The following ASB5 variants were observed in gnomAD, a reference collection of about 807,000 sequenced individuals.
The protein encoded by ASB5 is ankyrin repeat and SOCS box containing 5.
ASB5 carries 45 observed loss-of-function variants against 42.1 expected under a neutral mutation model. The observed-to-expected ratio is 1.07, with a 90% CI of 0.84 to 1.37. The LOEUF (loss-of-function observed/expected upper bound fraction) is 1.37. Among genes scored for constraint, ASB5 ranks in the 40% most tolerant of loss-of-function variants. The pLI is 0.00. For synonymous variants in ASB5, 147 were observed against 150.6 expected, an observed-to-expected ratio of 0.98 and a Z score of 0.18; for missense variants, 402 against 399.8, an observed-to-expected ratio of 1.01 and a Z score of -0.05.
rs1186135609 is a variant in ASB5 at position 176,215,675 on chromosome 4, T to C, written c.915A>G (p.Ile305Met). The change falls in exon 7 of 7, where the codon ATA becomes ATG. Residue 305 changes from isoleucine (I) to methionine (M), a missense_variant. Physicochemically the swap from Ile to Met is conservative, Grantham distance 10 (BLOSUM62 1). Transcript: ENST00000296525. ...QLCRLCIRSYIGKPRLHLIPQ... is the reference protein window; with the variant it reads ...QLCRLCIRSYMGKPRLHLIPQ... The stretch of plus-strand genomic sequence containing the variant: ...GGATAAGGTGCAATCTTGGTTTTCC[T>C]ATGTAGCTTCGGATACAGAGTCGGC... 3 of 1,613,260 alleles carry C rather than the reference T, an allele frequency of 1.9e-6. No homozygotes were observed. The highest frequency in any genetic ancestry group is 2.5e-6 in the Non-Finnish European group (3 of 1,179,434).
chr4:176,242,468 T>G (rs1439273465), intron 1 of ASB5, among the ~76,000 whole-genome samples: 1 of 152,204 alleles, frequency 6.6e-6, no homozygotes, highest in Non-Finnish European at 1.5e-5. Flanking sequence ...TCTTCTAAAC[T>G]CAGCTTAGAT....
chr4:176,232,127 ACTT>A (rs1179940384), intron 1 of ASB5, among the ~76,000 whole-genome samples: 2 of 124,970 alleles, frequency 1.6e-5, no homozygotes, highest in Admixed American at 7.5e-5. Flanking sequence ...ATATATATAT[ACTT>A]TTTTTTTTTG....
At position 176,232,400 on chromosome 4, in the gene ASB5, T is replaced by C. The variant is rs150920285; in HGVS notation, c.197-7059A>G. ...CGGCCTCCCAAAGTGCTGGAATAGATGTGAGCCACCGAGCCTGGCCCCTGT... is the reference window on the plus strand; with the variant it reads ...CGGCCTCCCAAAGTGCTGGAATAGACGTGAGCCACCGAGCCTGGCCCCTGT... On this transcript the variant is annotated intron_variant, in intron 1 of 6. Transcript: ENST00000296525. Among the ~76,000 whole-genome samples, 625 of 152,210 alleles carry C rather than the reference T, an allele frequency of 4.1e-3. 13 individuals are homozygous for C. The highest frequency in any genetic ancestry group is 0.039 in the Admixed American group (595 of 15,288).
At chr4:176,220,484 C>T (rs935645001) in intron 5 of ASB5, among the ~76,000 whole-genome samples, 7 of 151,976 alleles carry the variant, frequency 4.6e-5, no homozygotes, top group African/African-American at 9.7e-5. Context: ...AGAGGAACGA[C>T]GCTAAAGAAA....
chr4:176,271,682 G>T (rs1754470780), upstream of ASB5, among the ~76,000 whole-genome samples: 1 of 152,060 alleles, frequency 6.6e-6, no homozygotes, highest in South Asian at 2.1e-4. Context: ...GGGTACGTTG[G>T]ATGCTACATG....
intron 1 of ASB5, among the ~76,000 whole-genome samples, chr4:176,238,512 A>G (rs1753742512): frequency 6.6e-6 from 1 of 152,226 alleles, no homozygotes; most frequent in Non-Finnish European, 1.5e-5. Context: ...TGAAAAAGGC[A>G]CAGAGTCTAT....
rs1752909909 is a variant in ASB5 at position 176,214,344 on chromosome 4, C to A, written c.*1256G>T. 1 of 152,000 alleles carries A rather than the reference C, an allele frequency of 6.6e-6. No homozygotes were observed. Among genetic ancestry groups the A allele is most frequent in the Non-Finnish European group, 1.5e-5 (1 of 67,960 alleles). The allele number at this position is 152,000 out of a possible 1,614,324, so 9.4% of individuals were successfully genotyped here. The stretch of plus-strand genomic sequence containing the variant: ...CTCACCCAAAGTTGCTTTTGTTTTA[C>A]AAAGAGTTGTACGTTGATTATCTTA... On this transcript the variant is annotated 3_prime_UTR_variant, in exon 7 of 7. Transcript: ENST00000296525.
At chr4:176,275,346 G>A (rs1041019186) in intron 2 of ASB5, among the ~76,000 whole-genome samples, 1 of 152,082 alleles carries the variant, frequency 6.6e-6, no homozygotes, top group Admixed American at 6.5e-5. Flanking sequence ...GGAGGACCCT[G>A]TTTAGGATTC....
In ASB5 at chr4:176,221,248, C is replaced by A. The variant is rs1331480430; in HGVS notation, c.577G>T (p.Asp193Tyr). ...AAATGAGGAATTTCTTGGTCAACAT[C>A]TATGCCCCAGGATATCAGGATGTCA... Reference protein sequence around the residue: ...CLDILISWGIDVDQEIPHLGT... With the variant: ...CLDILISWGIYVDQEIPHLGT... The change falls in exon 5 of 7, where the codon GAT becomes TAT. Residue 193 changes from aspartate (D) to tyrosine (Y), a missense_variant. Coordinates refer to ENST00000296525, the MANE Select transcript of ASB5 (RefSeq NM_080874.4). The A allele has an allele frequency of 1.9e-6, 3 of 1,614,020 alleles. No individual in the cohort carries two copies. Among genetic ancestry groups the A allele is most frequent in the Admixed American group, 1.7e-5 (1 of 59,994 alleles).
rs377278440 is a variant in ASB5, at chr4:176,216,859, G to C, written c.821C>G (p.Thr274Arg). ...TATCCTTTCCACCATACTGCTAGACGTAGCTACATCTATAGGTCGCAGAAG... is the reference window on the plus strand; with the variant it reads ...TATCCTTTCCACCATACTGCTAGACCTAGCTACATCTATAGGTCGCAGAAG... The part of the protein sequence containing the change: ...TELLRPIDVA[T>R]SSSMVERILL... The change falls in exon 6 of 7, where the codon ACG becomes AGG. Residue 274 changes from threonine to arginine, a missense_variant. Transcript: ENST00000296525. The C allele has an allele frequency of 1.9e-6, 3 of 1,612,178 alleles. No homozygotes were observed. Among genetic ancestry groups the C allele is most frequent in the Admixed American group, 1.7e-5 (1 of 59,570 alleles).
intron 1 of ASB5, among the ~76,000 whole-genome samples, chr4:176,249,970 C>A (rs1347871508): frequency 6.6e-6 from 1 of 150,476 alleles, no homozygotes; most frequent in Non-Finnish European, 1.5e-5. Flanking sequence ...GAGGCTGAGG[C>A]AGGAGAATGA....
chr4:176,220,957 C>T (rs1021579030), intron 5 of ASB5, among the ~76,000 whole-genome samples, 198 bp downstream of exon 5: 1 of 152,142 alleles, frequency 6.6e-6, no homozygotes, highest in Admixed American at 6.5e-5. Flanking sequence ...AGGAAGCCGA[C>T]TTATCAAGAA....
upstream of ASB5, among the ~76,000 whole-genome samples, chr4:176,272,401 A>G (rs1405411232): frequency 6.6e-6 from 1 of 152,166 alleles, no homozygotes; most frequent in East Asian, 1.9e-4. Context: ...TTCACTGATG[A>G]CCTTCAACTC....
rs535208699 is a variant in ASB5 at position 176,227,308 on chromosome 4, A to G, written c.197-1967T>C. Among the ~76,000 whole-genome samples, 273 of 152,262 alleles carry G rather than the reference A, an allele frequency of 1.8e-3. 1 individual carries two copies. Among genetic ancestry groups the G allele is most frequent in the African/African-American group, 6.3e-3 (261 of 41,560 alleles). On this transcript the variant is annotated intron_variant, in intron 1 of 6. Transcript: ENST00000296525. ...CCATTCAACATTACCTGCTATTACC[A>G]TTACTTGTAAGTCAACAGAGAGAAG...
upstream of ASB5, among the ~76,000 whole-genome samples, chr4:176,273,211 G>A (rs1381553237): frequency 1.3e-5 from 2 of 152,098 alleles, no homozygotes; most frequent in Admixed American, 1.3e-4. Flanking sequence ...CATTCAAACA[G>A]CAAGGTTGCT....
upstream of ASB5, among the ~76,000 whole-genome samples, chr4:176,274,045 T>G (rs1754521740): frequency 6.6e-6 from 1 of 152,172 alleles, no homozygotes; most frequent in Admixed American, 6.5e-5. Context: ...GGACTTCTGC[T>G]GGAGTTTTGG....
chr4:176,243,086 G>C (rs111797954), intron 1 of ASB5, among the ~76,000 whole-genome samples: 2 of 152,042 alleles, frequency 1.3e-5, no homozygotes, highest in African/African-American at 2.4e-5. Flanking sequence ...CCACAAAGTT[G>C]ACCCAGGAGA....
At chr4:176,275,759 T>C (rs929583507) in intron 2 of ASB5, 1 of 152,206 alleles carries the variant, frequency 6.6e-6, no homozygotes, top group Non-Finnish European at 1.5e-5. Flanking sequence ...TAGCTGGTAA[T>C]ATTCCCATCT....
rs368530883 is a variant in ASB5, at chr4:176,218,464, AAT to A, written c.671-1457_671-1456del. Among the ~76,000 whole-genome samples, 223 of 89,418 alleles carry A rather than the reference AAT, an allele frequency of 2.5e-3. 4 individuals carry two copies. The highest frequency in any genetic ancestry group is 0.012 in the Admixed American group (89 of 7,200). 58.7% of individuals were successfully genotyped at this position (89,418 alleles called of 152,430 possible). A position where few individuals can be genotyped will look rare whatever the true frequency, so the allele number is the denominator to read the frequency against. On this transcript the variant is annotated intron_variant, in intron 5 of 6. Transcript: ENST00000296525. Reference sequence around the variant, plus strand: ...AATATATATATTTGTATGATATATAAATATATATATATTTGTATGATATATAA... The same window carrying A: ...AATATATATATTTGTATGATATATAAATATATATATTTGTATGATATATAA...
Sources: allele counts gnomAD v4.1 joint callset (sites outside exome capture counted in the v4.1 genomes callset), GRCh38; gene constraint gnomAD v4.1.1; transcripts MANE v1.5; gene names NCBI Gene and HGNC (gene_info 2026-07-23, HGNC 2026-07-21).